ANK1: variants seen among roughly 807,000 people sequenced by gnomAD.
ANK1 encodes ankyrin 1, also known as ankyrin-1.
Under a neutral mutation model 210.4 loss-of-function variants are expected in ANK1, and 51 were observed. That is an observed-to-expected ratio of 0.24 (90% CI 0.19 to 0.31). The LOEUF is 0.31. Among genes scored for constraint, ANK1 ranks in the 10% least tolerant of loss-of-function variants. The pLI is 1.00. For synonymous variants in ANK1, 967 were observed against 1,025.9 expected (o/e 0.94, Z 1.10); for missense variants, 2,051 against 2,504.4 (o/e 0.82, Z 3.86).
intron 1 of ANK1, among the ~76,000 whole-genome samples, chr8:41,887,242 CTTTTTTTTTTT>C (rs35112522): frequency 1.2e-5 from 1 of 80,714 alleles, no homozygotes; most frequent in East Asian, 4.0e-4. Flanking sequence ...CTTTCCTTTC[CTTTTTTTTTTT>C]TTTTTTTTTT....
chr8:41,812,497 A>G (rs1190882544), intron 1 of ANK1, among the ~76,000 whole-genome samples: 1 of 152,196 alleles, frequency 6.6e-6, no homozygotes, highest in African/African-American at 2.4e-5. Flanking sequence ...TGCAGATAAA[A>G]AGTAAAAGTT....
upstream of ANK1, among the ~76,000 whole-genome samples, chr8:41,800,573 G>A (rs1849705548): frequency 6.6e-6 from 1 of 152,168 alleles, no homozygotes; most frequent in African/African-American, 2.4e-5. Context: ...AGCTAACAAA[G>A]AGGCTCTGGG....
intron 1 of ANK1, among the ~76,000 whole-genome samples, chr8:41,822,064 AAGAGAGAGAGAGAGAGAGAGAGAG>A (rs10605195): frequency 1.7e-4 from 6 of 36,244 alleles, no homozygotes; most frequent in African/African-American, 8.7e-4. Context: ...GAAAGAAAGA[AAGAGAGAGAGAGAGAGAGAGAGAG>A]AGAGAGAGAG....
chr8:41,699,608 T>C (rs951930403), intron 22 of ANK1, 60 bp from the exon 23 acceptor site: 3 of 1,526,146 alleles, frequency 2.0e-6, no homozygotes, highest in African/African-American at 2.7e-5. Flanking sequence ...CCTCTTTTTT[T>C]AAAAAAGCTC....
intron 1 of ANK1, among the ~76,000 whole-genome samples, chr8:41,894,791 C>T (rs1417487085): frequency 6.6e-6 from 1 of 151,890 alleles, no homozygotes; most frequent in Non-Finnish European, 1.5e-5. Flanking sequence ...CAGACTTCCC[C>T]TGCCTGACTC....
At chr8:41,758,596 C>A (rs768862824) in intron 1 of ANK1, among the ~76,000 whole-genome samples, 1 of 152,128 alleles carries the variant, frequency 6.6e-6, no homozygotes, top group Non-Finnish European at 1.5e-5. Context: ...TCCACCTTGG[C>A]CTCCCAAAGT....
intron 1 of ANK1, among the ~76,000 whole-genome samples, chr8:41,859,338 G>T: frequency 6.9e-6 from 1 of 144,596 alleles, no homozygotes; most frequent in Non-Finnish European, 1.5e-5. Context: ...GTTTGTTTGT[G>T]TTTGTTTGTT....
At chr8:41,823,574 C>A (rs898096636) in intron 1 of ANK1, among the ~76,000 whole-genome samples, 4 of 151,678 alleles carry the variant, frequency 2.6e-5, no homozygotes, top group African/African-American at 9.7e-5. Context: ...GCCTGGGCAA[C>A]ACAGCAAGAC....
intron 2 of ANK1, among the ~76,000 whole-genome samples, chr8:41,744,727 G>A (rs542433254): frequency 3.3e-4 from 50 of 152,080 alleles, no homozygotes; most frequent in Non-Finnish European, 6.0e-4. Flanking sequence ...AGTAGAGACG[G>A]GGTTTCACAG....
At chr8:41,727,795 C>T in intron 4 of ANK1, 113 bp downstream of exon 4, 1 of 982,094 alleles carries the variant, frequency 1.0e-6, no homozygotes, top group Non-Finnish European at 1.6e-6. Flanking sequence ...CTAGGCCCTG[C>T]CCCACAGTAG....
chr8:41,778,375 G>A (rs951938214), intron 1 of ANK1, among the ~76,000 whole-genome samples: 27 of 152,220 alleles, frequency 1.8e-4, no homozygotes, highest in Admixed American at 1.7e-3. Flanking sequence ...TGAGATCAGA[G>A]AGGGCTACAG....
chr8:41,686,451 T>C (rs1334251597), intron 35 of ANK1, among the ~76,000 whole-genome samples, 168 bp from the exon 36 acceptor site: 1 of 152,158 alleles, frequency 6.6e-6, no homozygotes, highest in Non-Finnish European at 1.5e-5. Context: ...TATCAAGAAA[T>C]TCCTTATGAA....
intron 22 of ANK1, 41 bp downstream of exon 22, chr8:41,701,509 C>G (rs1198441773): frequency 1.2e-6 from 2 of 1,603,052 alleles, no homozygotes. Context: ...GCCCGGAGCC[C>G]CTCTGTCCCC....
intron 1 of ANK1, among the ~76,000 whole-genome samples, chr8:41,847,009 C>T (rs1208366331): frequency 6.6e-6 from 1 of 152,214 alleles, no homozygotes; most frequent in African/African-American, 2.4e-5. Context: ...TCACACACAG[C>T]CCTTGAGGCC....
In ANK1 at chr8:41,684,900, G is replaced by A. The variant is rs140935454; in HGVS notation, c.4391-210C>T. Among the ~76,000 whole-genome samples, 17 of 152,140 alleles carry A rather than the reference G, an allele frequency of 1.1e-4. No homozygotes were observed. The South Asian group carries it at 1.5e-3, about 13-fold the overall frequency. ...GATCTTTTCCAAATGCTAACAGTGC[G>A]CAGTTATTTTATTTATTGGTCTCTG... On this transcript the variant is annotated intron_variant, in intron 36 of 42. Coordinates refer to ENST00000289734, the MANE Select transcript of ANK1 (RefSeq NM_000037.4).
At chr8:41,812,787 A>G (rs1802690634) in intron 1 of ANK1, among the ~76,000 whole-genome samples, 1 of 152,174 alleles carries the variant, frequency 6.6e-6, no homozygotes, top group Non-Finnish European at 1.5e-5. Flanking sequence ...TAGTTAAATT[A>G]TAAGGAGTGC....
intron 1 of ANK1, among the ~76,000 whole-genome samples, chr8:41,889,250 TGTTA>T (rs2150836453): frequency 6.6e-6 from 1 of 152,322 alleles, no homozygotes; most frequent in South Asian, 2.1e-4. Flanking sequence ...TGCTGTGGGC[TGTTA>T]ATAAGCTTTG....
intron 35 of ANK1, 38 bp downstream of exon 35, chr8:41,688,118 T>G (rs180738002): frequency 6.3e-7 from 1 of 1,598,248 alleles, no homozygotes; most frequent in South Asian, 1.1e-5. Flanking sequence ...GTAGGTGAGA[T>G]GGACAAAGTG....
chr8:41,716,309 G>A (rs1827658171), intron 13 of ANK1, among the ~76,000 whole-genome samples: 1 of 151,930 alleles, frequency 6.6e-6, no homozygotes. Flanking sequence ...CTGGGGTCAG[G>A]GGAGTCTCAA....
Sources: allele counts gnomAD v4.1 joint callset (sites outside exome capture counted in the v4.1 genomes callset), GRCh38; gene constraint gnomAD v4.1.1; transcripts MANE v1.5; gene names NCBI Gene and HGNC (gene_info 2026-07-23, HGNC 2026-07-21).